The following SEC23A variants were observed in gnomAD, a reference collection of about 807,000 sequenced individuals.
SEC23A encodes the protein SEC23 homolog A, COPII component.
In SEC23A, 56 loss-of-function variants were observed where a neutral mutation model predicts 103.7. That is an observed-to-expected ratio of 0.54 (90% confidence interval 0.44 to 0.67). The LOEUF is 0.67. Among genes scored for constraint, SEC23A ranks in the 30% least tolerant of loss-of-function variants. SEC23A has a pLI of 0.00. For missense variants in SEC23A, 784 were observed against 936.4 expected, an observed-to-expected ratio of 0.84 and a Z score of 2.12; for synonymous variants, 281 against 293.0, an observed-to-expected ratio of 0.96 and a Z score of 0.42.
intron 14 of SEC23A, among the ~76,000 whole-genome samples, chr14:39,051,945 C>A (rs1026171267): frequency 4.8e-5 from 7 of 145,432 alleles, no homozygotes; most frequent in Admixed American, 4.2e-4. Context: ...CCAGCCTGGG[C>A]GACAAGGCGA....
chr14:39,084,661 A>G (rs1033386521), intron 7 of SEC23A, among the ~76,000 whole-genome samples: 9 of 151,836 alleles, frequency 5.9e-5, no homozygotes, highest in Non-Finnish European at 1.2e-4. Flanking sequence ...TGATAAGAGT[A>G]CCTTTTGTTT....
At chr14:39,092,774 A>T in intron 3 of SEC23A, 147 bp from the exon 4 acceptor site, 2 of 613,602 alleles carry the variant, frequency 3.3e-6, no homozygotes, top group Non-Finnish European at 5.8e-6. Flanking sequence ...ATCTTTTTTT[A>T]AATATGCATT....
At chr14:39,050,477 G>A (rs1886018548) in intron 14 of SEC23A, among the ~76,000 whole-genome samples, 1 of 152,190 alleles carries the variant, frequency 6.6e-6, no homozygotes, top group Non-Finnish European at 1.5e-5. Context: ...CTGGCTTGCA[G>A]GGAAAGTCCC....
intron 17 of SEC23A, chr14:39,041,458 T>TTTG (rs1555326061): frequency 2.0e-5 from 3 of 147,112 alleles, no homozygotes; most frequent in Non-Finnish European, 4.5e-5. Flanking sequence ...TACAGGTTTT[T>TTTG]TTTTTTTTTT....
intron 15 of SEC23A, among the ~76,000 whole-genome samples, chr14:39,048,114 G>C (rs917296395): frequency 1.3e-5 from 2 of 152,082 alleles, no homozygotes; most frequent in Non-Finnish European, 2.9e-5. Flanking sequence ...CCACTGCAGG[G>C]TTCCAGAATA....
At chr14:39,061,082 T>C (rs1886455918) in intron 13 of SEC23A, among the ~76,000 whole-genome samples, 1 of 152,206 alleles carries the variant, frequency 6.6e-6, no homozygotes. Flanking sequence ...CTTATTAATC[T>C]AATAATATAA....
Position 39,032,250 on chromosome 14 carries a change from T to C in SEC23A, c.*989A>G, listed in dbSNP as rs760385677. 11 of 152,598 alleles carry C rather than the reference T, an allele frequency of 7.2e-5. No homozygotes were observed. Among genetic ancestry groups the C allele is most frequent in the Non-Finnish European group, 1.5e-4 (10 of 68,018 alleles). 9.5% of individuals were successfully genotyped at this position (152,598 alleles called of 1,614,324 possible). On this transcript the variant is annotated 3_prime_UTR_variant, in exon 20 of 20. Transcript: ENST00000307712. Reference sequence around the variant, plus strand: ...ACTAATGAATAAATCAAAATAGAACTGAGCATCACATGATATAATTAAGCA... The same window carrying C: ...ACTAATGAATAAATCAAAATAGAACCGAGCATCACATGATATAATTAAGCA...
chr14:39,064,985 C>T lies in SEC23A; in HGVS notation c.1236G>A (p.Arg412=), dbSNP rs1463168720. The change falls in exon 11 of 20, where the codon AGG becomes AGA. Residue 412 remains arginine (R), a synonymous_variant. Transcript: ENST00000307712. ...FGGTLEIKTS[R]EIKISGAIGP... ...CAATAGCTCCTGAAATCTTTATTTC[C>T]CTTGAGGTCTGCAAAATAAGAATAC... The T allele has an allele frequency of 2.5e-6, 4 of 1,610,474 alleles. No homozygotes were observed. In the South Asian group the frequency reaches 4.4e-5, roughly 18 times the overall value.
chr14:39,032,921 C>A lies in SEC23A; in HGVS notation c.*318G>T. On this transcript the variant is annotated 3_prime_UTR_variant, in exon 20 of 20. Transcript: ENST00000307712. ...AAATTCAGTGCCACTTTGGGTCTGT[C>A]TGCAATATACAAATGAGTTACATCT... The A allele has an allele frequency of 4.6e-6, 1 of 215,102 alleles. No homozygotes were observed. The highest frequency in any genetic ancestry group is 9.3e-6 in the Non-Finnish European group (1 of 107,438). 13.3% of individuals were successfully genotyped at this position (215,102 alleles called of 1,614,324 possible).
intron 5 of SEC23A, among the ~76,000 whole-genome samples, chr14:39,089,551 T>G (rs1887587359): frequency 6.6e-6 from 1 of 152,214 alleles, no homozygotes; most frequent in Non-Finnish European, 1.5e-5. Flanking sequence ...TAACTCACCC[T>G]CTTTAGTCTC....
chr14:39,086,815 T>G, intron 6 of SEC23A, 114 bp downstream of exon 6: 2 of 697,512 alleles, frequency 2.9e-6, no homozygotes, highest in Non-Finnish European at 5.2e-6. Context: ...TACAATTTAC[T>G]TATATTCCTA....
chr14:39,046,207 G>A (rs188121100), intron 15 of SEC23A, among the ~76,000 whole-genome samples: 107 of 152,286 alleles, frequency 7.0e-4, no homozygotes, highest in African/African-American at 2.4e-3. Flanking sequence ...GGTGGCTCAC[G>A]CTTGTAATCC....
chr14:39,081,093 T>G (rs1285670697), intron 7 of SEC23A, among the ~76,000 whole-genome samples: 1 of 151,826 alleles, frequency 6.6e-6, no homozygotes, highest in Non-Finnish European at 1.5e-5. Flanking sequence ...TCCCAGCTAC[T>G]TGGGAGGAGT....
At chr14:39,076,721 T>C (rs1887038698) in intron 7 of SEC23A, among the ~76,000 whole-genome samples, 1 of 147,460 alleles carries the variant, frequency 6.8e-6, no homozygotes, top group Non-Finnish European at 1.5e-5. Context: ...AGGTCAGGAG[T>C]TCAAGACCAG....
intron 6 of SEC23A, among the ~76,000 whole-genome samples, chr14:39,086,712 A>G (rs1887457046): frequency 6.6e-6 from 1 of 152,228 alleles, no homozygotes; most frequent in Non-Finnish European, 1.5e-5. Context: ...TAAGGAAAAT[A>G]ACAAAACTAA....
intron 1 of SEC23A, 65 bp from the exon 2 acceptor site, chr14:39,096,204 G>A (rs1025728485): frequency 9.8e-6 from 10 of 1,016,438 alleles, no homozygotes; most frequent in Non-Finnish European, 1.4e-5. Flanking sequence ...AAATATGAAT[G>A]TTCTCCCCTC....
intron 16 of SEC23A, among the ~76,000 whole-genome samples, 189 bp downstream of exon 16, chr14:39,044,974 T>G (rs990983852): frequency 6.6e-6 from 1 of 152,230 alleles, no homozygotes; most frequent in Non-Finnish European, 1.5e-5. Flanking sequence ...TAATACAGCC[T>G]ACATGGTATC....
intron 13 of SEC23A, among the ~76,000 whole-genome samples, chr14:39,059,295 AAAAAAAAAAAAAAAAC>A (rs892553149): frequency 4.3e-5 from 5 of 115,612 alleles, no homozygotes; most frequent in African/African-American, 1.0e-4. Context: ...AAAAAAAAAA[AAAAAAAAAAAAAAAAC>A]AACAAGGTGC....
chr14:39,044,904 G>A (rs978302270), intron 16 of SEC23A, among the ~76,000 whole-genome samples: 25 of 151,750 alleles, frequency 1.6e-4, no homozygotes, highest in African/African-American at 5.6e-4. Flanking sequence ...CCAAATGGCT[G>A]GACAAAATGA....
Sources: gnomAD v4.1 joint callset for allele counts (sites outside exome capture counted in the v4.1 genomes callset) on GRCh38, gnomAD v4.1.1 for gene constraint, MANE v1.5 for transcripts, NCBI Gene and HGNC (gene_info 2026-07-23, HGNC 2026-07-21) for gene names.